Variants in CADM2 observed in about 807,000 individuals in gnomAD.
The protein encoded by CADM2 is immunoglobulin superfamily member 4D.
CADM2 carries 12 observed loss-of-function variants against 49.8 expected under a neutral mutation model. The observed-to-expected ratio is 0.24, with a 90% CI of 0.15 to 0.39. The LOEUF (loss-of-function observed/expected upper bound fraction) is 0.39, where lower values mean the gene tolerates loss of function less well. Among genes scored for constraint, CADM2 ranks in the 10% least tolerant of loss-of-function variants. The pLI is 1.00. For synonymous variants in CADM2, 214 were observed against 175.4 expected (o/e 1.22, Z -1.74); for missense variants, 378 against 492.3 (o/e 0.77, Z 2.20).
intron 3 of CADM2, among the ~76,000 whole-genome samples, chr3:85,843,018 G>T (rs2074709458): frequency 6.6e-6 from 1 of 152,050 alleles, no homozygotes; most frequent in Non-Finnish European, 1.5e-5. Flanking sequence ...TTATATACTA[G>T]TAGTACCTAT....
chr3:85,952,811 C>T (rs984736076), intron 7 of CADM2, among the ~76,000 whole-genome samples: 8 of 150,740 alleles, frequency 5.3e-5, no homozygotes, highest in Non-Finnish European at 1.0e-4. Context: ...TGTTATCTGT[C>T]TTAAGAACTG....
At chr3:85,742,697 C>G (rs1379196780) in intron 2 of CADM2, among the ~76,000 whole-genome samples, 1 of 152,120 alleles carries the variant, frequency 6.6e-6, no homozygotes, top group Non-Finnish European at 1.5e-5. Flanking sequence ...TAAAATTTAT[C>G]TTTTCCACAT....
chr3:86,005,935 T>G (rs1176524596), intron 8 of CADM2, among the ~76,000 whole-genome samples: 1 of 152,194 alleles, frequency 6.6e-6, no homozygotes, highest in Non-Finnish European at 1.5e-5. Flanking sequence ...ATTGTTTTGA[T>G]TTTTAGATTC....
intron 7 of CADM2, among the ~76,000 whole-genome samples, chr3:85,950,241 A>T (rs1723277482): frequency 6.6e-6 from 1 of 151,218 alleles, no homozygotes; most frequent in Non-Finnish European, 1.5e-5. Context: ...GGGAATTAAT[A>T]TTCTGTGTTT....
At position 85,615,070 on chromosome 3, in the gene CADM2, C is replaced by G. The variant is rs145166033; in HGVS notation, c.62-111452C>G. The stretch of plus-strand genomic sequence containing the variant: ...TAAAACTGAATGTGCATGTGTATAT[C>G]AAACTACCTGTTAGTATGTGAGCTT... On this transcript the variant is annotated intron_variant, in intron 1 of 9. Coordinates refer to ENST00000383699, the MANE Select transcript of CADM2 (RefSeq NM_001167675.2). Among the ~76,000 whole-genome samples the G allele has an allele frequency of 2.7e-4, 41 of 152,022 alleles. No homozygotes were observed. In the East Asian group the frequency reaches 7.7e-3, roughly 29 times the overall value.
At chr3:85,979,258 A>G (rs764320987) in intron 8 of CADM2, 1 of 1,610,516 alleles carries the variant, frequency 6.2e-7, no homozygotes, top group South Asian at 1.1e-5. Context: ...GCCCAACCAC[A>G]TCTGCAACAA....
intron 1 of CADM2, among the ~76,000 whole-genome samples, chr3:85,585,123 T>C (rs963692114): frequency 1.3e-5 from 2 of 152,018 alleles, no homozygotes; most frequent in Non-Finnish European, 2.9e-5. Context: ...GTCTGCTCCA[T>C]GCCTCTCGGA....
At chr3:85,391,820 C>A (rs1317811350) in intron 1 of CADM2, among the ~76,000 whole-genome samples, 4 of 152,090 alleles carry the variant, frequency 2.6e-5, no homozygotes, top group Non-Finnish European at 5.9e-5. Context: ...CTCTCCCTAA[C>A]CATTTGGATT....
In CADM2 at chr3:85,378,618, G is replaced by T. The variant is rs551866473; in HGVS notation, c.62-347904G>T. On this transcript the variant is annotated intron_variant, in intron 1 of 9. Transcript: ENST00000383699. ...GTATTCTTTATGTATACCCTTGAAT[G>T]AATATTCACATTTCTCAGCGAAAAT... Among the ~76,000 whole-genome samples the T allele has an allele frequency of 4.6e-5, 7 of 152,132 alleles. 1 individual carries two copies. In the South Asian group the frequency reaches 1.5e-3, roughly 32 times the overall value.
At chr3:85,440,547 C>T (rs2037152242) in intron 1 of CADM2, among the ~76,000 whole-genome samples, 1 of 152,114 alleles carries the variant, frequency 6.6e-6, no homozygotes, top group Admixed American at 6.5e-5. Context: ...ACATTGCGAC[C>T]TTAGGTCTCA....
chr3:85,121,156 T>C (rs2038849471), intron 1 of CADM2, among the ~76,000 whole-genome samples: 1 of 152,136 alleles, frequency 6.6e-6, no homozygotes, highest in South Asian at 2.1e-4. Context: ...CTCAGGGTAA[T>C]AAAGGCAGAG....
chr3:85,337,613 C>G (rs749899664), intron 1 of CADM2, among the ~76,000 whole-genome samples: 7 of 151,340 alleles, frequency 4.6e-5, no homozygotes, highest in Non-Finnish European at 7.4e-5. Flanking sequence ...CTGAATCAAG[C>G]TCTCATTCTA....
At chr3:85,821,276 C>T (rs1410326535) in intron 3 of CADM2, among the ~76,000 whole-genome samples, 1 of 152,088 alleles carries the variant, frequency 6.6e-6, no homozygotes, top group Non-Finnish European at 1.5e-5. Flanking sequence ...ACAGGGAGGG[C>T]AGGATCAGAC....
intron 1 of CADM2, among the ~76,000 whole-genome samples, chr3:85,073,956 T>C (rs1021391019): frequency 6.6e-6 from 1 of 152,134 alleles, no homozygotes; most frequent in African/African-American, 2.4e-5. Context: ...CGTGTATCCA[T>C]ATTATTATTA....
chr3:85,665,599 G>A (rs1341882804), intron 1 of CADM2, among the ~76,000 whole-genome samples: 1 of 151,904 alleles, frequency 6.6e-6, no homozygotes, highest in East Asian at 1.9e-4. Context: ...GAAAACAGAA[G>A]GACCCTTTCC....
chr3:85,705,141 C>G (rs2066902812), intron 1 of CADM2, among the ~76,000 whole-genome samples: 1 of 149,794 alleles, frequency 6.7e-6, no homozygotes, highest in African/African-American at 2.5e-5. Context: ...GCTGGGATCA[C>G]AGGTGTGAGC....
intron 1 of CADM2, among the ~76,000 whole-genome samples, chr3:85,475,231 G>A (rs1202907333): frequency 6.6e-6 from 1 of 151,818 alleles, no homozygotes. Context: ...GATAATTGAG[G>A]TACTCAGACC....
At chr3:85,574,817 C>T (rs1034801285) in intron 1 of CADM2, among the ~76,000 whole-genome samples, 11 of 152,090 alleles carry the variant, frequency 7.2e-5, no homozygotes, top group Non-Finnish European at 5.9e-5. Flanking sequence ...TCCTCTACCT[C>T]AGTCTAGGGG....
intron 1 of CADM2, among the ~76,000 whole-genome samples, chr3:85,453,660 A>G (rs1244382262): frequency 6.6e-6 from 1 of 152,180 alleles, no homozygotes; most frequent in Non-Finnish European, 1.5e-5. Context: ...TTCAAAAATA[A>G]TGGTGAATGT....
Sources: gnomAD v4.1 joint callset for allele counts (sites outside exome capture counted in the v4.1 genomes callset) on GRCh38, gnomAD v4.1.1 for gene constraint, MANE v1.5 for transcripts, NCBI Gene and HGNC (gene_info 2026-07-23, HGNC 2026-07-21) for gene names.